Variants in DCAF1 observed in about 807,000 individuals in gnomAD.
The protein encoded by DCAF1 is DDB1- and CUL4-associated factor 1.
In DCAF1, 15 loss-of-function variants were observed where a neutral mutation model predicts 128.0. The ratio of observed to expected loss-of-function variants is 0.12; its 90% CI spans 0.08 to 0.18. DCAF1 has a LOEUF of 0.18. DCAF1 is among the 10% of genes least tolerant of loss of function. DCAF1 has a pLI of 1.00. For missense variants in DCAF1, 988 were observed against 1,649.5 expected, an observed-to-expected ratio of 0.60 and a Z score of 6.95; for synonymous variants, 610 against 603.0, an observed-to-expected ratio of 1.01 and a Z score of -0.17.
At chr3:51,492,693 G>T (rs1431507417) in intron 2 of DCAF1, among the ~76,000 whole-genome samples, 1 of 152,106 alleles carries the variant, frequency 6.6e-6, no homozygotes, top group Non-Finnish European at 1.5e-5. Context: ...CATATTGCTT[G>T]TAGAAATGTA....
Position 51,470,890 on chromosome 3 carries a change from GA to G in DCAF1, c.187+38del, listed in dbSNP as rs782283544. ...TCGCTTTAATAAAAGTGTCTTAAAAGAAAAAAAAAAGACCCACACTTAAGAG... is the reference window on the plus strand; with the variant it reads ...TCGCTTTAATAAAAGTGTCTTAAAAGAAAAAAAAAGACCCACACTTAAGAG... On this transcript the variant is annotated intron_variant, in intron 4 of 24. Coordinates refer to ENST00000684031, the MANE Select transcript of DCAF1 (RefSeq NM_001387579.1). The G allele has an allele frequency of 3.9e-3, 4,954 of 1,265,936 alleles. 1 individual carries two copies. The highest frequency in any genetic ancestry group is 7.1e-3 in the South Asian group (424 of 60,056). The allele number at this position is 1,265,936 out of a possible 1,614,324, so 78.4% of individuals were successfully genotyped here.
chr3:51,434,968 A>T (rs2107606713), intron 9 of DCAF1, among the ~76,000 whole-genome samples: 1 of 152,314 alleles, frequency 6.6e-6, no homozygotes, highest in Admixed American at 6.5e-5. Flanking sequence ...CCAACAACAT[A>T]GATTTGTAAT....
chr3:51,462,473 C>T (rs1703702670), intron 6 of DCAF1, among the ~76,000 whole-genome samples: 1 of 151,722 alleles, frequency 6.6e-6, no homozygotes, highest in Non-Finnish European at 1.5e-5. Context: ...TGGCCAGGTG[C>T]GATGGCTCAC....
chr3:51,434,015 G>A (rs1388056699), intron 9 of DCAF1, among the ~76,000 whole-genome samples: 1 of 151,480 alleles, frequency 6.6e-6, no homozygotes, highest in Non-Finnish European at 1.5e-5. Context: ...CCGGGAGACG[G>A]AGGTTGCAGT....
chr3:51,438,733 T>A (rs1176791475), intron 9 of DCAF1, among the ~76,000 whole-genome samples: 2 of 152,152 alleles, frequency 1.3e-5, no homozygotes, highest in Non-Finnish European at 2.9e-5. Flanking sequence ...TGCCTCAGCC[T>A]CCCGAGTAGC....
chr3:51,400,188 A>G (rs1458759543), intron 24 of DCAF1, among the ~76,000 whole-genome samples: 9 of 152,214 alleles, frequency 5.9e-5, no homozygotes, highest in Non-Finnish European at 1.2e-4. Context: ...CAAGATGGAG[A>G]TGGCAAAGAA....
Position 51,496,341 on chromosome 3 carries a change from C to T in DCAF1, c.-9+393G>A, listed in dbSNP as rs558825254. Among the ~76,000 whole-genome samples the T allele has an allele frequency of 7.9e-5, 12 of 152,144 alleles. No individual in the cohort carries two copies. The South Asian group carries it at 8.3e-4, about 11-fold the overall frequency. ...GCTCCGGAGGCTGAGGCAGCAGAATCGCTTGAACCCAGGAGACAGAGGTTG... is the reference window on the plus strand; with the variant it reads ...GCTCCGGAGGCTGAGGCAGCAGAATTGCTTGAACCCAGGAGACAGAGGTTG... On this transcript the variant is annotated intron_variant, in intron 2 of 24. Transcript: ENST00000684031.
rs144265530 is a variant in DCAF1, at chr3:51,478,049, G to A, written c.110+5670C>T. On this transcript the variant is annotated intron_variant, in intron 3 of 24. Transcript: ENST00000684031. ...TTGAGACAGAGTCTCTCTTGCCCAGGCTGGAGTGTAGTGGCACAATCTCAG... is the reference window on the plus strand; with the variant it reads ...TTGAGACAGAGTCTCTCTTGCCCAGACTGGAGTGTAGTGGCACAATCTCAG... Among the ~76,000 whole-genome samples the A allele has an allele frequency of 1.3e-4, 20 of 152,246 alleles. No individual in the cohort carries two copies. In the East Asian group the frequency reaches 3.5e-3, roughly 26 times the overall value.
At chr3:51,500,341 A>G (rs577999006), upstream of DCAF1, among the ~76,000 whole-genome samples, 25 of 152,172 alleles carry the variant, frequency 1.6e-4, no homozygotes, top group African/African-American at 6.0e-4. Context: ...GAGGGAGCCA[A>G]TCCTTCTAAG....
At chr3:51,474,947 GCTAA>G (rs1705252407) in intron 3 of DCAF1, among the ~76,000 whole-genome samples, 1 of 151,804 alleles carries the variant, frequency 6.6e-6, no homozygotes, top group Non-Finnish European at 1.5e-5. Context: ...ACCATGCCCG[GCTAA>G]CTTTTGTATT....
chr3:51,476,553 C>T (rs1705469344), intron 3 of DCAF1, among the ~76,000 whole-genome samples: 1 of 99,772 alleles, frequency 1.0e-5, no homozygotes, highest in Non-Finnish European at 1.9e-5. Flanking sequence ...GAGTACTTTA[C>T]AGTATATAAA....
chr3:51,447,004 T>TAATAATAAAAAAA (rs1553640413), intron 6 of DCAF1, among the ~76,000 whole-genome samples: 2 of 56,036 alleles, frequency 3.6e-5, no homozygotes, highest in African/African-American at 1.4e-4. Context: ...AATAATAAAA[T>TAATAATAAAAAAA]GTTTTAAATA....
chr3:51,403,813 A>G (rs555526254), intron 23 of DCAF1, among the ~76,000 whole-genome samples: 1 of 152,312 alleles, frequency 6.6e-6, no homozygotes, highest in East Asian at 1.9e-4. Flanking sequence ...GAAGAACACA[A>G]CTGCTCATTA....
chr3:51,407,252 T>C lies in DCAF1; in HGVS notation c.4213-3857A>G, dbSNP rs181538041. Reference sequence around the variant, plus strand: ...TGTCATATTTTGCTAAATGTATAAATGCCTACTTTTTAAAAAATACTTTTT... The same window carrying C: ...TGTCATATTTTGCTAAATGTATAAACGCCTACTTTTTAAAAAATACTTTTT... On this transcript the variant is annotated intron_variant, in intron 23 of 24. Coordinates refer to ENST00000684031, the MANE Select transcript of DCAF1 (RefSeq NM_001387579.1). Among the ~76,000 whole-genome samples the C allele has an allele frequency of 2.4e-3, 360 of 151,998 alleles. 1 individual carries two copies. Among genetic ancestry groups the C allele is most frequent in the African/African-American group, 8.5e-3 (350 of 41,382 alleles).
intron 5 of DCAF1, among the ~76,000 whole-genome samples, chr3:51,464,494 A>C (rs951899004): frequency 2.6e-5 from 4 of 151,976 alleles, no homozygotes; most frequent in African/African-American, 9.7e-5. Context: ...CAGGAGTTCA[A>C]GACCAGCCTG....
chr3:51,446,963 A>AAATAAAAATAATAAT (rs1553640367), intron 6 of DCAF1, among the ~76,000 whole-genome samples: 1 of 136,990 alleles, frequency 7.3e-6, no homozygotes, highest in Admixed American at 7.5e-5. Flanking sequence ...TTTGTCTCAA[A>AAATAAAAATAATAAT]AATAATAATA....
At chr3:51,458,950 C>T (rs1323561132) in intron 6 of DCAF1, among the ~76,000 whole-genome samples, 3 of 152,098 alleles carry the variant, frequency 2.0e-5, no homozygotes, top group Non-Finnish European at 4.4e-5. Flanking sequence ...TAAATGCCCA[C>T]AAGAGAAAGC....
At chr3:51,400,855 C>T (rs1553624625) in intron 24 of DCAF1, among the ~76,000 whole-genome samples, 2 of 151,984 alleles carry the variant, frequency 1.3e-5, no homozygotes, top group African/African-American at 4.8e-5. Context: ...AGAATCAGGC[C>T]GGGTGCAGTG....
chr3:51,497,968 T>C (rs535823993), intron 1 of DCAF1, among the ~76,000 whole-genome samples: 1 of 136,680 alleles, frequency 7.3e-6, no homozygotes, highest in African/African-American at 2.8e-5. Context: ...GAGAATGGCG[T>C]GAACCTGGGA....
Sources: gnomAD v4.1 joint callset for allele counts (sites outside exome capture counted in the v4.1 genomes callset) on GRCh38, gnomAD v4.1.1 for gene constraint, MANE v1.5 for transcripts, NCBI Gene and HGNC (gene_info 2026-07-23, HGNC 2026-07-21) for gene names.